The following PTPRN2 variants were observed in gnomAD, a reference collection of about 807,000 sequenced individuals.
The protein encoded by PTPRN2 is protein tyrosine phosphatase receptor type N2, also known as receptor-type tyrosine-protein phosphatase N2.
A neutral mutation model predicts 118.8 loss-of-function variants in PTPRN2; 74 were observed. The ratio of observed to expected loss-of-function variants is 0.62; its 90% CI spans 0.52 to 0.76. The LOEUF (loss-of-function observed/expected upper bound fraction) is 0.76. Ranked by LOEUF, PTPRN2 falls within the 30% of genes least tolerant of loss-of-function variation. The pLI, the probability that PTPRN2 is intolerant of heterozygous loss-of-function variation, is 0.00. For synonymous variants in PTPRN2, 641 were observed against 608.0 expected (o/e 1.05, Z -0.80); for missense variants, 1,481 against 1,394.4 (o/e 1.06, Z -0.99).
At chr7:157,788,485 ATCC>A (rs1804223229) in intron 12 of PTPRN2, among the ~76,000 whole-genome samples, 1 of 151,862 alleles carries the variant, frequency 6.6e-6, no homozygotes, top group South Asian at 2.1e-4. Flanking sequence ...ACCAGAACCC[ATCC>A]TGGTTTAGGG....
chr7:157,864,702 C>A (rs1259990367), intron 12 of PTPRN2: 1 of 152,270 alleles, frequency 6.6e-6, no homozygotes, highest in East Asian at 1.9e-4. Context: ...GCTGCCCCAT[C>A]CTCTCTGCAG....
intron 12 of PTPRN2, among the ~76,000 whole-genome samples, chr7:157,722,583 C>T (rs2109302): frequency 0.57 from 87,040 of 152,062 alleles, 25,956 homozygotes; most frequent in African/African-American, 0.63. Context: ...GTGGACTTGA[C>T]GCCAGAAGCA....
Position 158,366,281 on chromosome 7 carries a change from C to A in PTPRN2, c.164-49349G>T, listed in dbSNP as rs372109137. Among the ~76,000 whole-genome samples, 42 of 149,512 alleles carry A rather than the reference C, an allele frequency of 2.8e-4. 3 individuals are homozygous for A. The South Asian group carries it at 8.0e-3, about 28-fold the overall frequency. ...ACACACACCCACACACCCACAGCAT[C>A]CCTGGGAGAAGCTGCAGCCCAATGC... is the stretch of plus-strand genomic sequence containing the variant. On this transcript the variant is annotated intron_variant, in intron 2 of 22. Transcript: ENST00000389418.
intron 2 of PTPRN2, among the ~76,000 whole-genome samples, chr7:158,423,445 C>T (rs1435313785): frequency 1.2e-4 from 19 of 152,224 alleles, no homozygotes; most frequent in Admixed American, 1.2e-3. Context: ...CTCTCCAGTG[C>T]CCTGCCTGTC....
rs78833067 is a variant in PTPRN2 at position 158,490,721 on chromosome 7, A to G, written c.113-936T>C. 9.8e-5 allele frequency among the ~76,000 whole-genome samples: 15 copies of G among 152,368 alleles called. No homozygotes were observed. In the East Asian group the frequency reaches 2.7e-3, roughly 27 times the overall value. On this transcript the variant is annotated intron_variant, in intron 1 of 22. Transcript: ENST00000389418. Reference sequence around the variant, plus strand: ...TCTTTCACTCATTCCTGCAAAGCACAGTGCCTTCAATGCTGCTTCACCAGC... The same window carrying G: ...TCTTTCACTCATTCCTGCAAAGCACGGTGCCTTCAATGCTGCTTCACCAGC...
At chr7:158,012,979 C>T (rs565046193) in intron 11 of PTPRN2, among the ~76,000 whole-genome samples, 1 of 152,194 alleles carries the variant, frequency 6.6e-6, no homozygotes, top group Non-Finnish European at 1.5e-5. Flanking sequence ...TGGAGGTGGT[C>T]AGACAGAAGT....
At chr7:158,441,361 ATGGCAGTGG>A (rs1817157386) in intron 2 of PTPRN2, among the ~76,000 whole-genome samples, 4 of 132,708 alleles carry the variant, frequency 3.0e-5, no homozygotes, top group African/African-American at 9.1e-5. Context: ...GGTGATGGTG[ATGGCAGTGG>A]TGGCAGTGGT....
chr7:157,953,736 C>A lies in PTPRN2; in HGVS notation c.1724-54999G>T, dbSNP rs1282973937. Among the ~76,000 whole-genome samples the A allele has an allele frequency of 1.3e-5, 2 of 152,210 alleles. No individual in the cohort carries two copies. The highest frequency in any genetic ancestry group is 4.8e-5 in the African/African-American group (2 of 41,518). ...CAAGTCTGAGGACTCAGACCCGGGG[C>A]AGCTGGTGGAAGCTGGGGTTAAGAG... On this transcript the variant is annotated intron_variant, in intron 11 of 22. Transcript: ENST00000389418. The surrounding 1 kb of genome is among the most constrained non-coding windows in gnomAD (Gnocchi z 4.6).
At chr7:157,952,070 T>C (rs1039589874) in intron 11 of PTPRN2, among the ~76,000 whole-genome samples, 11 of 152,220 alleles carry the variant, frequency 7.2e-5, no homozygotes, top group Admixed American at 7.2e-4. Flanking sequence ...CTCTCCTTGT[T>C]CTGTGTCTGT....
At chr7:157,613,307 C>G (rs911348725) in intron 15 of PTPRN2, among the ~76,000 whole-genome samples, 1 of 152,260 alleles carries the variant, frequency 6.6e-6, no homozygotes. Flanking sequence ...ATTCCCAGTG[C>G]TGCTCTTCTC....
chr7:158,208,758 CAT>C, intron 3 of PTPRN2, among the ~76,000 whole-genome samples: 1 of 152,176 alleles, frequency 6.6e-6, no homozygotes. Flanking sequence ...CACAGAATAT[CAT>C]AACACTGTAA....
intron 15 of PTPRN2, among the ~76,000 whole-genome samples, chr7:157,613,532 C>T (rs1335979876): frequency 6.6e-6 from 1 of 152,154 alleles, no homozygotes; most frequent in African/African-American, 2.4e-5. Context: ...GTCCGGGGCG[C>T]GTCCTCAGAA....
At chr7:158,363,415 C>T (rs1018149244) in intron 2 of PTPRN2, among the ~76,000 whole-genome samples, 5 of 152,092 alleles carry the variant, frequency 3.3e-5, no homozygotes, top group Admixed American at 6.6e-5. Flanking sequence ...AGCCCAATTT[C>T]GGAAAAAACA....
chr7:158,304,844 CTT>C (rs1264247943), intron 3 of PTPRN2, among the ~76,000 whole-genome samples: 2 of 152,138 alleles, frequency 1.3e-5, no homozygotes, highest in East Asian at 3.8e-4. Flanking sequence ...GTGCCAGACT[CTT>C]AATTAATTCC....
chr7:158,532,894 C>T (rs370327205), intron 1 of PTPRN2: 84 of 497,828 alleles, frequency 1.7e-4, no homozygotes, highest in South Asian at 8.9e-4. Flanking sequence ...GGCTCAGGGA[C>T]GGCCAGGCTC....
At position 158,245,182 on chromosome 7, in the gene PTPRN2, CGG is replaced by C. The variant is rs1563029869; in HGVS notation, c.278-39911_278-39910del. Among the ~76,000 whole-genome samples the C allele has an allele frequency of 1.9e-3, 191 of 101,242 alleles. No individual in the cohort carries two copies. The East Asian group carries it at 0.033, about 17-fold the overall frequency. The allele number at this position is 101,242 out of a possible 152,430, so 66.4% of individuals were successfully genotyped here. On this transcript the variant is annotated intron_variant, in intron 3 of 22. Coordinates refer to ENST00000389418, the MANE Select transcript of PTPRN2 (RefSeq NM_002847.5). Reference sequence around the variant, plus strand: ...GCCATGCCGGAATCCATGGCCATGCCGGAATCCGTGGTCATGCTGGAATCCAC... The same window carrying C: ...GCCATGCCGGAATCCATGGCCATGCCAATCCGTGGTCATGCTGGAATCCAC...
intron 6 of PTPRN2, among the ~76,000 whole-genome samples, chr7:158,149,924 T>C (rs935244926): frequency 1.3e-5 from 2 of 151,972 alleles, no homozygotes; most frequent in African/African-American, 2.4e-5. Flanking sequence ...TTAAATTTAA[T>C]ATAAAATAAA....
chr7:157,911,693 ACT>A (rs1206062845), intron 11 of PTPRN2, among the ~76,000 whole-genome samples: 4 of 152,122 alleles, frequency 2.6e-5, no homozygotes, highest in Admixed American at 2.0e-4. Flanking sequence ...TATCTTTGAT[ACT>A]CTCTGTGAGC....
intron 16 of PTPRN2, 39 bp from the exon 17 acceptor site, chr7:157,595,354 GATTAGGAA>G: frequency 8.2e-7 from 1 of 1,217,206 alleles, no homozygotes; most frequent in Non-Finnish European, 1.1e-6. Context: ...TTAGCCAGGA[GATTAGGAA>G]GCCTGGAGGT....
Sources: gnomAD v4.1 joint callset for allele counts (sites outside exome capture counted in the v4.1 genomes callset) on GRCh38, gnomAD v4.1.1 for gene constraint, Gnocchi (gnomAD v3.1) non-coding constraint, MANE v1.5 for transcripts, NCBI Gene and HGNC (gene_info 2026-07-23, HGNC 2026-07-21) for gene names.